CAB39: variants seen among roughly 807,000 people sequenced by gnomAD.
CAB39 encodes the protein calcium binding protein 39, also known as calcium-binding protein 39.
In CAB39, 8 loss-of-function variants were observed where a neutral mutation model predicts 40.0. The observed-to-expected ratio is 0.20, with a 90% confidence interval of 0.12 to 0.36. The LOEUF is 0.36. Among genes scored for constraint, CAB39 ranks in the 10% least tolerant of loss-of-function variants. The probability of loss-of-function intolerance (pLI) is 1.00; values close to 1 mark genes in which losing one functional copy is unlikely to be tolerated. For synonymous variants in CAB39, 156 were observed against 141.6 expected (o/e 1.10, Z -0.72); for missense variants, 270 against 401.1 (o/e 0.67, Z 2.79).
At chr2:230,781,975 G>C (rs1006063336) in intron 2 of CAB39, among the ~76,000 whole-genome samples, 1 of 152,060 alleles carries the variant, frequency 6.6e-6, no homozygotes, top group African/African-American at 2.4e-5. Context: ...AGATAGTCTC[G>C]TGACTCAGCC....
rs779426505 is a variant in CAB39 at position 230,819,291 on chromosome 2, G to C, written c.*587G>C. 6.6e-6 allele frequency: 1 copy of C among 152,570 alleles called. No homozygotes were observed. The highest frequency in any genetic ancestry group is 1.5e-5 in the Non-Finnish European group (1 of 68,054). 9.5% of individuals were successfully genotyped at this position (152,570 alleles called of 1,614,324 possible). Reference sequence around the variant, plus strand: ...GTAAAGAAGCCTCATAAGATCATAAGGAAAATGTATATATGCTTTTCACAG... The same window carrying C: ...GTAAAGAAGCCTCATAAGATCATAACGAAAATGTATATATGCTTTTCACAG... On this transcript the variant is annotated 3_prime_UTR_variant, in exon 9 of 9. Coordinates refer to ENST00000258418, the MANE Select transcript of CAB39 (RefSeq NM_016289.4).
At chr2:230,720,280 T>A (rs187944019) in intron 1 of CAB39, among the ~76,000 whole-genome samples, 95 of 152,336 alleles carry the variant, frequency 6.2e-4, no homozygotes, top group Admixed American at 2.5e-3. Context: ...TGGTTGGTAT[T>A]AATCCCCTAC....
chr2:230,769,433 C>T (rs1559604017), intron 2 of CAB39, among the ~76,000 whole-genome samples: 2 of 152,170 alleles, frequency 1.3e-5, no homozygotes, highest in Non-Finnish European at 2.9e-5. Context: ...TTATAGAACA[C>T]TCAACAACTG....
intron 1 of CAB39, among the ~76,000 whole-genome samples, chr2:230,755,076 C>T (rs1483160020): frequency 6.6e-6 from 1 of 152,204 alleles, no homozygotes; most frequent in African/African-American, 2.4e-5. Context: ...CACACACACA[C>T]ACTCAACAGT....
At chr2:230,799,991 C>CAA (rs60654900) in intron 5 of CAB39, among the ~76,000 whole-genome samples, 20 of 133,632 alleles carry the variant, frequency 1.5e-4, no homozygotes, top group Middle Eastern at 3.8e-3. Flanking sequence ...AACTCCATCT[C>CAA]AAAAAAAAAA....
At chr2:230,739,580 C>T (rs1308083678) in intron 1 of CAB39, among the ~76,000 whole-genome samples, 3 of 152,208 alleles carry the variant, frequency 2.0e-5, no homozygotes, top group East Asian at 1.9e-4. Flanking sequence ...CCACAACCTC[C>T]GCCTCCCGGG....
rs190616694 is a variant in CAB39, at chr2:230,768,498, G to C, written c.114+8383G>C. Among the ~76,000 whole-genome samples, 16 of 152,332 alleles carry C rather than the reference G, an allele frequency of 1.1e-4. No individual in the cohort carries two copies. In the East Asian group the frequency reaches 2.7e-3, roughly 26 times the overall value. Reference sequence around the variant, plus strand: ...GTGATGATTGAGTCACTGTGAGCTTGTTGGCAGGGTTTTGGTGATCTAGGA... The same window carrying C: ...GTGATGATTGAGTCACTGTGAGCTTCTTGGCAGGGTTTTGGTGATCTAGGA... On this transcript the variant is annotated intron_variant, in intron 2 of 8. Transcript: ENST00000258418.
At chr2:230,789,220 CA>C (rs1695850241) in intron 2 of CAB39, among the ~76,000 whole-genome samples, 1 of 152,152 alleles carries the variant, frequency 6.6e-6, no homozygotes, top group African/African-American at 2.4e-5. Context: ...GTGTTTCATT[CA>C]GGTGTTTTTT....
chr2:230,768,387 C>G (rs1041279933), intron 2 of CAB39, among the ~76,000 whole-genome samples: 1 of 152,150 alleles, frequency 6.6e-6, no homozygotes, highest in Non-Finnish European at 1.5e-5. Context: ...ATTGTCCATA[C>G]AGGTTTATGT....
intron 2 of CAB39, among the ~76,000 whole-genome samples, chr2:230,785,730 T>A (rs930829551): frequency 1.3e-5 from 2 of 151,960 alleles, no homozygotes; most frequent in African/African-American, 4.8e-5. Context: ...GGTCTTGCTC[T>A]GTCACCCAAG....
At chr2:230,715,977 G>T (rs1298568631) in intron 1 of CAB39, among the ~76,000 whole-genome samples, 1 of 152,212 alleles carries the variant, frequency 6.6e-6, no homozygotes, top group South Asian at 2.1e-4. Flanking sequence ...GATTACAGGC[G>T]TGAGCCACCA....
Position 230,818,575 on chromosome 2 carries a change from G to A in CAB39, c.897G>A (p.Gln299=), listed in dbSNP as rs1696446163. The change falls in exon 9 of 9, where the codon CAG becomes CAA. Residue 299 remains glutamine, a synonymous_variant. Transcript: ENST00000258418. The stretch of plus-strand genomic sequence containing the variant: ...TCCTAGACATCCTCCTCAAGAACCA[G>A]GCCAAACTCATAGAGTTCCTCAGCA... ...QPILDILLKN[Q]AKLIEFLSKF... The A allele has an allele frequency of 6.2e-7, 1 of 1,614,136 alleles. No homozygotes were observed. The highest frequency in any genetic ancestry group is 8.5e-7 in the Non-Finnish European group (1 of 1,180,016).
Position 230,712,884 on chromosome 2 carries a change from GA to G in CAB39, c.-389del. On this transcript the variant is annotated 5_prime_UTR_variant, in exon 1 of 9. Coordinates refer to ENST00000258418, the MANE Select transcript of CAB39 (RefSeq NM_016289.4). ...GCCGGGCTCGGGCCGCAAGCGGGGC[GA>G]GGGGTTCGGGGAGCGGCGCGGCCTG... is the stretch of plus-strand genomic sequence containing the variant. The G allele has an allele frequency of 6.6e-6, 1 of 152,076 alleles. No homozygotes were observed. Among genetic ancestry groups the G allele is most frequent in the East Asian group, 1.9e-4 (1 of 5,178 alleles). 9.4% of individuals were successfully genotyped at this position (152,076 alleles called of 1,614,324 possible).
chr2:230,818,541 C>T lies in CAB39; in HGVS notation c.863C>T (p.Thr288Met), dbSNP rs575964287. The T allele has an allele frequency of 2.6e-5, 42 of 1,613,990 alleles. 1 individual carries two copies. Among genetic ancestry groups the T allele is most frequent in the East Asian group, 1.1e-4 (5 of 44,882 alleles). Residue 288 changes from threonine to methionine, a missense_variant, in exon 9 of 9, where the codon ACG (threonine) becomes ATG (methionine). Physicochemically the swap from Thr to Met is moderately conservative, Grantham distance 81 (BLOSUM62 -1). Coordinates refer to ENST00000258418, the MANE Select transcript of CAB39 (RefSeq NM_016289.4). ...FKVFVANPNK[T>M]QPILDILLKN... ...GTGTTTGTAGCCAATCCTAACAAGACGCAGCCCATCCTAGACATCCTCCTC... is the reference window on the plus strand; with the variant it reads ...GTGTTTGTAGCCAATCCTAACAAGATGCAGCCCATCCTAGACATCCTCCTC...
At chr2:230,806,049 T>G (rs1281461002) in intron 5 of CAB39, among the ~76,000 whole-genome samples, 1 of 152,108 alleles carries the variant, frequency 6.6e-6, no homozygotes, top group Non-Finnish European at 1.5e-5. Flanking sequence ...ATAACTGAGG[T>G]CTTCCACTTG....
chr2:230,716,404 A>C (rs1251945114), intron 1 of CAB39, among the ~76,000 whole-genome samples: 1 of 152,278 alleles, frequency 6.6e-6, no homozygotes, highest in South Asian at 2.1e-4. Flanking sequence ...ATTGATGACT[A>C]ATCACTCACA....
intron 4 of CAB39, among the ~76,000 whole-genome samples, chr2:230,798,247 T>C (rs1050306454): frequency 1.3e-5 from 2 of 152,210 alleles, no homozygotes; most frequent in Non-Finnish European, 2.9e-5. Flanking sequence ...CTCCAAGTAC[T>C]ATCTTGAGTA....
chr2:230,782,813 C>CTTTTTTTTTTTTTTTTTTTTTTTTTTTT (rs1212977897), intron 2 of CAB39, among the ~76,000 whole-genome samples: 4 of 81,766 alleles, frequency 4.9e-5, no homozygotes, highest in African/African-American at 1.9e-4. Flanking sequence ...TTCTTTCTTT[C>CTTTTTTTTTTTTTTTTTTTTTTTTTTTT]TTTTTTTTTT....
chr2:230,750,792 C>G (rs932080337), intron 1 of CAB39, among the ~76,000 whole-genome samples: 1 of 152,162 alleles, frequency 6.6e-6, no homozygotes, highest in African/African-American at 2.4e-5. Flanking sequence ...AGATACAGTG[C>G]TAAGCACTTT....
Sources: gnomAD v4.1 joint callset for allele counts (sites outside exome capture counted in the v4.1 genomes callset) on GRCh38, gnomAD v4.1.1 for gene constraint, MANE v1.5 for transcripts, NCBI Gene and HGNC (gene_info 2026-07-23, HGNC 2026-07-21) for gene names.